Variants in CDH18 observed in about 807,000 individuals in gnomAD.
The protein encoded by CDH18 is cadherin 18.
CDH18 carries 31 observed loss-of-function variants against 67.9 expected under a neutral mutation model. That is an observed-to-expected ratio of 0.46 (90% confidence interval 0.34 to 0.62). The LOEUF (loss-of-function observed/expected upper bound fraction) is 0.62, where lower values mean the gene tolerates loss of function less well. CDH18 is among the 20% of genes least tolerant of loss of function. The pLI, the probability that CDH18 is intolerant of heterozygous loss-of-function variation, is 0.01. For missense variants in CDH18, 890 were observed against 975.5 expected (o/e 0.91, Z 1.17); for synonymous variants, 362 against 347.2 (o/e 1.04, Z -0.48).
At position 20,172,230 on chromosome 5, in the gene CDH18, A is replaced by ATATG. The variant is rs1554098795; in HGVS notation, c.-518+83213_-518+83214insCATA. On this transcript the variant is annotated intron_variant, in intron 2 of 14. Coordinates refer to the CDH18 transcript ENST00000507958. ...TATATATATATATATATATGTATAT[A>ATATG]TATATATATGTATATATATATATAT... 4.2e-4 allele frequency among the ~76,000 whole-genome samples: 41 copies of ATATG among 96,688 alleles called. 1 individual carries two copies. In the South Asian group the frequency reaches 0.012, roughly 28 times the overall value. 63.4% of individuals were successfully genotyped at this position (96,688 alleles called of 152,430 possible).
intron 2 of CDH18, among the ~76,000 whole-genome samples, chr5:20,220,930 A>G (rs558161831): frequency 1.3e-5 from 2 of 152,250 alleles, no homozygotes; most frequent in African/African-American, 4.8e-5. Context: ...ATATCATTTC[A>G]CCTTAGTTAA....
chr5:20,360,326 T>G (rs1170641908), intron 1 of CDH18, among the ~76,000 whole-genome samples: 1 of 152,116 alleles, frequency 6.6e-6, no homozygotes, highest in Non-Finnish European at 1.5e-5. Context: ...TCTAGACGGA[T>G]TAAAGAAAGG....
intron 6 of CDH18, among the ~76,000 whole-genome samples, chr5:19,598,280 G>T (rs1746489674): frequency 6.6e-6 from 1 of 152,018 alleles, no homozygotes; most frequent in South Asian, 2.1e-4. Context: ...ATTTGTCCCT[G>T]TGGTTTCAAC....
intron 2 of CDH18, among the ~76,000 whole-genome samples, chr5:20,073,593 G>C (rs1053671974): frequency 2.0e-5 from 3 of 151,862 alleles, no homozygotes; most frequent in African/African-American, 7.3e-5. Context: ...TTCTGCAGAG[G>C]TATATCCAGA....
At chr5:20,211,707 A>T (rs561252345) in intron 2 of CDH18, among the ~76,000 whole-genome samples, 158 of 152,312 alleles carry the variant, frequency 1.0e-3, no homozygotes, top group Non-Finnish European at 1.5e-3. Flanking sequence ...AAACTAACAA[A>T]CAGAAAGGAA....
chr5:20,274,754 G>C (rs914832012), intron 1 of CDH18, among the ~76,000 whole-genome samples: 1 of 152,128 alleles, frequency 6.6e-6, no homozygotes, highest in Admixed American at 6.6e-5. Context: ...AGCCATTCTA[G>C]AAAACATTGG....
At chr5:19,778,192 A>G (rs1259988287) in intron 3 of CDH18, among the ~76,000 whole-genome samples, 1 of 152,156 alleles carries the variant, frequency 6.6e-6, no homozygotes, top group Non-Finnish European at 1.5e-5. Context: ...ACAGAACATA[A>G]TTAACCTGAA....
chr5:19,611,579 G>C (rs997664796), intron 6 of CDH18, among the ~76,000 whole-genome samples: 1 of 152,068 alleles, frequency 6.6e-6, no homozygotes, highest in African/African-American at 2.4e-5. Context: ...AGTTGAGAAA[G>C]GCATTTCGCG....
chr5:20,392,412 T>C lies in CDH18; in HGVS notation c.-579-136907A>G, dbSNP rs1441194945. On this transcript the variant is annotated intron_variant, in intron 1 of 14. Transcript: ENST00000507958. ...CAGATAGATTATCTTTATCCAATGG[T>C]CCCTATCTCTTAACTTCCAATAATT... 5.3e-5 allele frequency among the ~76,000 whole-genome samples: 8 copies of C among 152,014 alleles called. No homozygotes were observed. In the East Asian group the frequency reaches 1.2e-3, roughly 22 times the overall value.
chr5:20,551,639 TGA>T (rs1757639475), intron 1 of CDH18, among the ~76,000 whole-genome samples: 1 of 152,216 alleles, frequency 6.6e-6, no homozygotes, highest in African/African-American at 2.4e-5. Context: ...GGAGTCCCTC[TGA>T]GTTGGTTATT....
At chr5:19,630,090 C>T (rs1282992415) in intron 5 of CDH18, among the ~76,000 whole-genome samples, 1 of 152,010 alleles carries the variant, frequency 6.6e-6, no homozygotes, top group Non-Finnish European at 1.5e-5. Context: ...GTGCCCTTCA[C>T]CATGACCGGC....
chr5:19,656,871 T>A (rs577232251), intron 5 of CDH18, among the ~76,000 whole-genome samples: 1 of 151,964 alleles, frequency 6.6e-6, no homozygotes, highest in South Asian at 2.1e-4. Context: ...TCTCTCTCTG[T>A]CTTTCTCTTT....
chr5:20,444,280 A>G (rs370912597), intron 1 of CDH18, among the ~76,000 whole-genome samples: 2 of 152,214 alleles, frequency 1.3e-5, no homozygotes, highest in African/African-American at 4.8e-5. Flanking sequence ...TGCATGAATT[A>G]CTTTAGCTGT....
intron 1 of CDH18, among the ~76,000 whole-genome samples, chr5:20,470,597 A>C (rs1218400184): frequency 1.3e-5 from 2 of 152,088 alleles, no homozygotes; most frequent in African/African-American, 4.8e-5. Context: ...CCATGCCTGC[A>C]TACATCACCT....
rs112361461 is a variant in CDH18, at chr5:20,305,059, G to A, written c.-579-49554C>T. 9.7e-3 allele frequency: 15,585 copies of A among 1,601,930 alleles called. 224 individuals carry two copies. Among genetic ancestry groups the A allele is most frequent in the African/African-American group, 0.055 (4,087 of 74,654 alleles). ...CTGCTGACTGTCCCCATTAGTTTTGGGATTTGAAACTTTTTTATCAACCAA... is the reference window on the plus strand; with the variant it reads ...CTGCTGACTGTCCCCATTAGTTTTGAGATTTGAAACTTTTTTATCAACCAA... On this transcript the variant is annotated intron_variant, in intron 1 of 14. Coordinates refer to the CDH18 transcript ENST00000507958.
intron 3 of CDH18, among the ~76,000 whole-genome samples, chr5:19,777,514 C>T (rs1278462437): frequency 2.6e-5 from 4 of 152,234 alleles, no homozygotes; most frequent in African/African-American, 9.6e-5. Flanking sequence ...GAAAGATTCA[C>T]ACAGTTGGCC....
chr5:19,973,237 G>A (rs1798193766), intron 2 of CDH18, among the ~76,000 whole-genome samples: 1 of 152,032 alleles, frequency 6.6e-6, no homozygotes, highest in Admixed American at 6.6e-5. Flanking sequence ...AAATACACAG[G>A]CAAATGCCAC....
chr5:20,068,624 A>G (rs755395557), intron 2 of CDH18, among the ~76,000 whole-genome samples: 24 of 152,166 alleles, frequency 1.6e-4, no homozygotes, highest in Non-Finnish European at 2.6e-4. Context: ...CAATATGTTT[A>G]TATTTAACAA....
chr5:19,787,083 A>G (rs1775876263), intron 3 of CDH18, among the ~76,000 whole-genome samples: 1 of 152,190 alleles, frequency 6.6e-6, no homozygotes, highest in Non-Finnish European at 1.5e-5. Flanking sequence ...ACCTCTATAG[A>G]AAGGAAGAAG....
Sources: gnomAD v4.1 joint callset for allele counts (sites outside exome capture counted in the v4.1 genomes callset) on GRCh38, gnomAD v4.1.1 for gene constraint, MANE v1.5 for transcripts, NCBI Gene and HGNC (gene_info 2026-07-23, HGNC 2026-07-21) for gene names.